The following ASPG variants were observed in gnomAD, a reference collection of about 807,000 sequenced individuals.
The protein encoded by ASPG is 60 kDa lysophospholipase.
Under a neutral mutation model 63.2 loss-of-function variants are expected in ASPG, and 53 were observed. That is an observed-to-expected ratio of 0.84 (90% confidence interval 0.67 to 1.05). The LOEUF (loss-of-function observed/expected upper bound fraction) is 1.05, where lower values mean the gene tolerates loss of function less well. Ranked by LOEUF, ASPG falls within the 50% of genes least tolerant of loss-of-function variation. The pLI, the probability that ASPG is intolerant of heterozygous loss-of-function variation, is 0.00. For synonymous variants in ASPG, 370 were observed against 355.0 expected (o/e 1.04, Z -0.48); for missense variants, 741 against 794.4 (o/e 0.93, Z 0.81).
rs759315133 is a variant in ASPG, at chr14:104,111,559, C to T, written c.1578C>T (p.Asp526=). 2 of 1,551,992 alleles carry T rather than the reference C, an allele frequency of 1.3e-6. No individual in the cohort carries two copies. The highest frequency in any genetic ancestry group is 1.7e-6 in the Non-Finnish European group (2 of 1,147,818). Residue 526 remains aspartate, a synonymous_variant, in exon 14 of 16, where the codon GAC becomes GAT. Transcript: ENST00000551177. Reference sequence around the variant, plus strand: ...AGGTGTGGTGGCAGGCAGGGGCTGACCTGGGGCAGCCGGGCTATGACGGGC... The same window carrying T: ...AGGTGTGGTGGCAGGCAGGGGCTGATCTGGGGCAGCCGGGCTATGACGGGC... ...GLQVWWQAGA[D]LGQPGYDGHS... is the part of the protein sequence containing the mutation.
Position 104,110,982 on chromosome 14 carries a change from C to T in ASPG, c.1521-520C>T. 1 of 985,406 alleles carries T rather than the reference C, an allele frequency of 1.0e-6. No individual in the cohort carries two copies. The highest frequency in any genetic ancestry group is 1.2e-6 in the Non-Finnish European group (1 of 829,916). 61.0% of individuals were successfully genotyped at this position (985,406 alleles called of 1,614,324 possible). ...GCCGGGGTCCAGGGCCAACCGTTAT[C>T]CTGGGTTGCCTCCTGTGTCCCCCTC... On this transcript the variant is annotated intron_variant, in intron 13 of 15. Coordinates refer to ENST00000551177, the MANE Select transcript of ASPG (RefSeq NM_001080464.3). This position sits in a 1 kb window ranked among gnomAD's most constrained non-coding sequence, Gnocchi z 4.7.
In ASPG at chr14:104,112,571, G is replaced by A. The variant is rs746444342; in HGVS notation, c.*27G>A. On this transcript the variant is annotated 3_prime_UTR_variant, in exon 16 of 16. Coordinates refer to ENST00000551177, the MANE Select transcript of ASPG (RefSeq NM_001080464.3). ...CTGAAGGCGTCCTGCTGCAGTATAA[G>A]CCATTCCTTCCTCCCATGACCTGCT... The A allele has an allele frequency of 1.2e-6, 2 of 1,609,340 alleles. No homozygotes were observed. The highest frequency in any genetic ancestry group is 1.7e-5 in the Admixed American group (1 of 59,752).
rs868293474 is a variant in ASPG at position 104,107,321 on chromosome 14, CGCT to C, written c.1417_1419del (p.Leu473del). ...ACCCGGGACACGGATGGCTTCAGCCCGCTGCTGCTGGCCGTGCGGGGCAGGTAA... is the reference window on the plus strand; with the variant it reads ...ACCCGGGACACGGATGGCTTCAGCCCGCTGCTGGCCGTGCGGGGCAGGTAA... On this transcript the variant is annotated inframe_deletion, in exon 12 of 16. Transcript: ENST00000551177. The C allele has an allele frequency of 1.3e-6, 2 of 1,592,336 alleles. No individual in the cohort carries two copies. The highest frequency in any genetic ancestry group is 8.6e-7 in the Non-Finnish European group (1 of 1,167,590).
At chr14:104,108,494 G>T in intron 12 of ASPG, 1 of 985,444 alleles carries the variant, frequency 1.0e-6, no homozygotes, top group Non-Finnish European at 1.2e-6. Context: ...GCCTGAGTGG[G>T]GTATGGGGAG....
At position 104,086,126 on chromosome 14, in the gene ASPG, C is replaced by T. The variant is rs768064741; in HGVS notation, c.82+274C>T. 1.3e-3 allele frequency among the ~76,000 whole-genome samples: 193 copies of T among 152,206 alleles called. 7 individuals are homozygous for T. Among genetic ancestry groups the T allele is most frequent in the Non-Finnish European group, 2.5e-4 (17 of 68,022 alleles). ...CCAGGCCCCCTGTGCTGCCGCTGCG[C>T]CCCTGAGGGCCAGCGTCCTGAAGTC... On this transcript the variant is annotated intron_variant, in intron 1 of 15. Transcript: ENST00000551177.
chr14:104,101,306 G>C (rs1744295), intron 6 of ASPG, among the ~76,000 whole-genome samples: 16,194 of 152,270 alleles, frequency 0.11, 1,294 homozygotes, highest in East Asian at 0.35. Flanking sequence ...CTCTGAGCCA[G>C]CTGGGGGTAG....
chr14:104,086,211 G>A (rs2036218597), intron 1 of ASPG, among the ~76,000 whole-genome samples: 2 of 152,082 alleles, frequency 1.3e-5, no homozygotes, highest in Non-Finnish European at 1.5e-5. Context: ...TCTGGACACA[G>A]AAGGCTTAGG....
chr14:104,096,262 G>T (rs2036591431), intron 4 of ASPG, among the ~76,000 whole-genome samples: 1 of 152,192 alleles, frequency 6.6e-6, no homozygotes, highest in African/African-American at 2.4e-5. Context: ...GTTGCCTGCG[G>T]GTGGCAGTGG....
chr14:104,088,070 A>AG (rs1488179879), intron 1 of ASPG, among the ~76,000 whole-genome samples: 1 of 152,202 alleles, frequency 6.6e-6, no homozygotes, highest in Non-Finnish European at 1.5e-5. Context: ...ATCCACTTCC[A>AG]GGAACCTGCA....
intron 1 of ASPG, among the ~76,000 whole-genome samples, chr14:104,086,492 C>T (rs1465856435): frequency 6.6e-6 from 1 of 152,154 alleles, no homozygotes; most frequent in African/African-American, 2.4e-5. Flanking sequence ...GGACAGGCAC[C>T]GAGCTCTGTG....
chr14:104,089,587 T>G (rs1306238829), intron 1 of ASPG, among the ~76,000 whole-genome samples: 1 of 152,098 alleles, frequency 6.6e-6, no homozygotes, highest in Non-Finnish European at 1.5e-5. Context: ...ACACATTGAC[T>G]GCGGGGTGAG....
Position 104,104,444 on chromosome 14 carries a change from C to T in ASPG, c.894C>T (p.His298=), listed in dbSNP as rs2037025615. 6.2e-7 allele frequency: 1 copy of T among 1,612,604 alleles called. No homozygotes were observed. Among genetic ancestry groups the T allele is most frequent in the African/African-American group, 1.3e-5 (1 of 75,058 alleles). ...ERGLVIVNCT[H]CLQGAVTTDY... ...GCCTGGTCATCGTCAACTGTACCCA[C>T]TGCCTCCAGGGGGCTGTGACCACAG... Residue 298 remains histidine, a synonymous_variant, in exon 8 of 16, where the codon CAC becomes CAT. Coordinates refer to ENST00000551177, the MANE Select transcript of ASPG (RefSeq NM_001080464.3).
At position 104,105,349 on chromosome 14, in the gene ASPG, G is replaced by T. The variant is rs945932805; in HGVS notation, c.1072G>T (p.Gly358Trp). Residue 358 changes from glycine to tryptophan, a missense_variant, in exon 10 of 16, where the codon GGG (glycine) becomes TGG (tryptophan). Coordinates refer to ENST00000551177, the MANE Select transcript of ASPG (RefSeq NM_001080464.3). ...CCAGCTGCTGACCAAGGACCTTCGGGGGGAGATGACGCCACCCTCGGTGGA... is the reference window on the plus strand; with the variant it reads ...CCAGCTGCTGACCAAGGACCTTCGGTGGGAGATGACGCCACCCTCGGTGGA... The part of the protein sequence containing the change: ...RKELLTKDLR[G>W]EMTPPSVEER... 12 of 1,612,500 alleles carry T rather than the reference G, an allele frequency of 7.4e-6. No individual in the cohort carries two copies. The highest frequency in any genetic ancestry group is 1.0e-5 in the Non-Finnish European group (12 of 1,179,772).
chr14:104,092,794 C>T lies in ASPG; in HGVS notation c.191+53C>T, dbSNP rs566150062. On this transcript the variant is annotated intron_variant, in intron 2 of 15. Coordinates refer to ENST00000551177, the MANE Select transcript of ASPG (RefSeq NM_001080464.3). ...ACAGGGCATGGCTGCTGAGGGGCAC[C>T]GATCCTGAGGCTGGGCACTGCTGGC... is the stretch of plus-strand genomic sequence containing the variant. 8.5e-4 allele frequency: 1,242 copies of T among 1,455,024 alleles called. 21 individuals are homozygous for T. The South Asian group carries it at 0.014, about 16-fold the overall frequency. 90.1% of individuals were successfully genotyped at this position (1,455,024 alleles called of 1,614,324 possible). A position where few individuals can be genotyped will look rare whatever the true frequency, so the allele number is the denominator to read the frequency against.
At chr14:104,089,487 C>G (rs998990293) in intron 1 of ASPG, among the ~76,000 whole-genome samples, 39 of 152,140 alleles carry the variant, frequency 2.6e-4, no homozygotes, top group East Asian at 1.9e-4. Context: ...CCACTGCACT[C>G]CAGCCTGAGT....
At chr14:104,092,944 C>G (rs2036415604) in intron 2 of ASPG, 3 of 577,124 alleles carry the variant, frequency 5.2e-6, no homozygotes, top group Non-Finnish European at 9.3e-6. Context: ...CGTGCCTGGT[C>G]CCACCTTCCC....
At chr14:104,096,742 G>A (rs1461160681) in intron 4 of ASPG, among the ~76,000 whole-genome samples, 1 of 152,200 alleles carries the variant, frequency 6.6e-6, no homozygotes, top group Admixed American at 6.5e-5. Context: ...TATACCTGTG[G>A]GGAAACTGAG....
chr14:104,107,403 G>GGGCT, intron 12 of ASPG, 58 bp downstream of exon 12: 1 of 1,332,772 alleles, frequency 7.5e-7, no homozygotes. Flanking sequence ...GAGAGGCTGT[G>GGGCT]GGCTCCTGCA....
Position 104,109,456 on chromosome 14 carries a change from C to A in ASPG, c.1520+141C>A. The A allele has an allele frequency of 2.2e-6, 2 of 901,082 alleles. No individual in the cohort carries two copies. The highest frequency in any genetic ancestry group is 3.3e-6 in the Non-Finnish European group (2 of 605,370). The allele number at this position is 901,082 out of a possible 1,614,324, so 55.8% of individuals were successfully genotyped here. On this transcript the variant is annotated intron_variant, in intron 13 of 15. Transcript: ENST00000551177. This position sits in a 1 kb window ranked among gnomAD's most constrained non-coding sequence, Gnocchi z 4.8. ...GAGGCCCGCTGACCTCAGTGTGCAC[C>A]AACCTGGCTGATGGGAAGAGGTGTC...
Sources: gnomAD v4.1 joint callset for allele counts (sites outside exome capture counted in the v4.1 genomes callset) on GRCh38, gnomAD v4.1.1 for gene constraint, Gnocchi (gnomAD v3.1) non-coding constraint, MANE v1.5 for transcripts, NCBI Gene and HGNC (gene_info 2026-07-23, HGNC 2026-07-21) for gene names.